Variants in FAXDC2 observed in about 807,000 individuals in gnomAD.
FAXDC2 encodes the protein fatty acid hydroxylase domain-containing protein 2.
FAXDC2 carries 41 observed loss-of-function variants against 40.9 expected under a neutral mutation model. That is an observed-to-expected ratio of 1.00 (90% confidence interval 0.78 to 1.30). FAXDC2 has a LOEUF of 1.30. Ranked by LOEUF, FAXDC2 falls within the 50% of genes most tolerant of loss-of-function variation. FAXDC2 has a pLI of 0.00. For synonymous variants in FAXDC2, 157 were observed against 149.3 expected (o/e 1.05, Z -0.38); for missense variants, 390 against 408.8 (o/e 0.95, Z 0.40).
chr5:154,825,668 A>AAAAAAAAAAAAAAAAAAAAAAAAAAAAAG (rs70981954), intron 5 of FAXDC2, among the ~76,000 whole-genome samples: 2 of 143,350 alleles, frequency 1.4e-5, no homozygotes, highest in African/African-American at 5.2e-5. Flanking sequence ...AAAAAAAAAA[A>AAAAAAAAAAAAAAAAAAAAAAAAAAAAAG]GCAGTAATAT....
intron 1 of FAXDC2, among the ~76,000 whole-genome samples, chr5:154,842,251 G>A (rs1011747382): frequency 2.0e-5 from 3 of 151,906 alleles, no homozygotes; most frequent in African/African-American, 7.3e-5. Flanking sequence ...AGGCTGGAGC[G>A]TAGTGGCACA....
intron 8 of FAXDC2, chr5:154,820,925 C>T: frequency 3.3e-6 from 1 of 305,410 alleles, no homozygotes; most frequent in East Asian, 9.5e-5. Context: ...GTAGACTACA[C>T]TTGAAAAAGT....
At chr5:154,830,759 C>T (rs1442223632) in intron 5 of FAXDC2, 42 bp downstream of exon 5, 4 of 1,609,640 alleles carry the variant, frequency 2.5e-6, no homozygotes. Context: ...GGCTTTGGCT[C>T]TTGCTTTCTG....
intron 1 of FAXDC2, among the ~76,000 whole-genome samples, chr5:154,841,775 G>A (rs1304554452): frequency 6.7e-6 from 1 of 148,432 alleles, no homozygotes; most frequent in Non-Finnish European, 1.5e-5. Context: ...TCACTCTGTC[G>A]CCCAGGCTGG....
chr5:154,838,293 AT>A, intron 1 of FAXDC2, 115 bp from the exon 2 acceptor site: 6 of 928,208 alleles, frequency 6.5e-6, no homozygotes, highest in African/African-American at 1.7e-5. Context: ...AAAAAAAAAA[AT>A]TGGCTTGTTG....
At chr5:154,838,230 A>T in intron 1 of FAXDC2, 52 bp from the exon 2 acceptor site, 1 of 1,581,398 alleles carries the variant, frequency 6.3e-7, no homozygotes. Flanking sequence ...TAAACATCTA[A>T]GGAAGTAGGG....
Sources: allele counts gnomAD v4.1 joint callset (sites outside exome capture counted in the v4.1 genomes callset), GRCh38; gene constraint gnomAD v4.1.1; transcripts MANE v1.5; gene names NCBI Gene and HGNC (gene_info 2026-07-23, HGNC 2026-07-21).